Variants in GRID2 observed in about 807,000 individuals in gnomAD.
GRID2 encodes the protein glutamate receptor ionotropic, delta-2.
GRID2 carries 33 observed loss-of-function variants against 114.8 expected under a neutral mutation model. The observed-to-expected ratio is 0.29, with a 90% CI of 0.22 to 0.38. The LOEUF (loss-of-function observed/expected upper bound fraction) is 0.38, where lower values mean the gene tolerates loss of function less well. GRID2 is among the 10% of genes least tolerant of loss of function. The probability of loss-of-function intolerance (pLI) is 1.00; values close to 1 mark genes in which losing one functional copy is unlikely to be tolerated. For missense variants in GRID2, 1,184 were observed against 1,257.7 expected (o/e 0.94, Z 0.89); for synonymous variants, 505 against 449.9 (o/e 1.12, Z -1.55).
At chr4:92,734,818 A>T (rs901427569) in intron 2 of GRID2, among the ~76,000 whole-genome samples, 2 of 136,174 alleles carry the variant, frequency 1.5e-5, no homozygotes, top group Non-Finnish European at 3.1e-5. Context: ...TTGTTCTGTC[A>T]CTCAGCCTGG....
chr4:92,883,890 C>A (rs1746190131), intron 2 of GRID2, among the ~76,000 whole-genome samples: 1 of 152,106 alleles, frequency 6.6e-6, no homozygotes. Flanking sequence ...CCAGGATTTT[C>A]AGAATGGTAA....
intron 13 of GRID2, among the ~76,000 whole-genome samples, chr4:93,595,213 C>T (rs1043462459): frequency 2.6e-5 from 4 of 152,198 alleles, no homozygotes; most frequent in Non-Finnish European, 4.4e-5. Flanking sequence ...TCTTCAATGT[C>T]GATTGTTCAT....
chr4:92,880,985 C>T (rs1232533606), intron 2 of GRID2, among the ~76,000 whole-genome samples: 1 of 152,146 alleles, frequency 6.6e-6, no homozygotes, highest in Non-Finnish European at 1.5e-5. Flanking sequence ...TCACTGAAAC[C>T]TCTGCCTCCC....
At chr4:92,543,262 G>C (rs950211193) in intron 1 of GRID2, among the ~76,000 whole-genome samples, 1 of 152,078 alleles carries the variant, frequency 6.6e-6, no homozygotes, top group Non-Finnish European at 1.5e-5. Context: ...CATTTTGCAG[G>C]TTAGGAAATT....
chr4:92,617,627 T>C (rs950913689), intron 2 of GRID2, among the ~76,000 whole-genome samples: 1 of 151,738 alleles, frequency 6.6e-6, no homozygotes, highest in Non-Finnish European at 1.5e-5. Context: ...TTCCTTGGTT[T>C]GTTTCATTTC....
At chr4:93,070,755 T>C (rs1728736520) in intron 2 of GRID2, among the ~76,000 whole-genome samples, 1 of 152,130 alleles carries the variant, frequency 6.6e-6, no homozygotes, top group Non-Finnish European at 1.5e-5. Context: ...ATCTAAAATA[T>C]ATCTTATTAC....
Position 92,432,960 on chromosome 4 carries a change from G to C in GRID2, c.88+128216G>C, listed in dbSNP as rs1316851420. 3.3e-5 allele frequency among the ~76,000 whole-genome samples: 5 copies of C among 152,230 alleles called. No homozygotes were observed. In the East Asian group the frequency reaches 7.7e-4, roughly 24 times the overall value. On this transcript the variant is annotated intron_variant, in intron 1 of 15. Transcript: ENST00000282020. ...AGCCCAAGGGCTCTTTATTCAGCTG[G>C]TGATGAATCCTTCCAAAAACGGTCC...
chr4:92,876,997 A>G (rs1300781450), intron 2 of GRID2, among the ~76,000 whole-genome samples: 4 of 152,252 alleles, frequency 2.6e-5, no homozygotes, highest in Admixed American at 1.3e-4. Context: ...TGTTACTTCA[A>G]CATCTATCAA....
chr4:92,640,616 A>G (rs1481439804), intron 2 of GRID2, among the ~76,000 whole-genome samples: 1 of 151,908 alleles, frequency 6.6e-6, no homozygotes, highest in Non-Finnish European at 1.5e-5. Flanking sequence ...TTTGGCAGCT[A>G]GGGATGAAAA....
At chr4:92,957,747 A>T (rs544235703) in intron 2 of GRID2, among the ~76,000 whole-genome samples, 1 of 152,232 alleles carries the variant, frequency 6.6e-6, no homozygotes, top group South Asian at 2.1e-4. Context: ...ATTGGGAAGA[A>T]TTGACATATT....
chr4:92,797,047 T>G (rs1174145888), intron 2 of GRID2, among the ~76,000 whole-genome samples: 4 of 152,002 alleles, frequency 2.6e-5, no homozygotes, highest in Admixed American at 1.3e-4. Flanking sequence ...GATTCATTTA[T>G]CTTGATATGG....
chr4:92,612,215 G>C (rs1051429005), intron 2 of GRID2, among the ~76,000 whole-genome samples: 1 of 151,516 alleles, frequency 6.6e-6, no homozygotes, highest in African/African-American at 2.4e-5. Flanking sequence ...TTCTTAGAAA[G>C]GTTATCCTTT....
intron 13 of GRID2, among the ~76,000 whole-genome samples, chr4:93,537,173 C>T (rs1351469450): frequency 2.6e-5 from 4 of 151,750 alleles, no homozygotes; most frequent in African/African-American, 9.7e-5. Context: ...CTCATCCTAA[C>T]ATAACTTTCC....
chr4:93,017,609 G>T (rs1160826961), intron 2 of GRID2, among the ~76,000 whole-genome samples: 2 of 151,728 alleles, frequency 1.3e-5, no homozygotes, highest in African/African-American at 4.8e-5. Flanking sequence ...GAGGTCAGGA[G>T]TTCGAGACCA....
At chr4:93,503,882 G>T (rs988926688) in intron 12 of GRID2, among the ~76,000 whole-genome samples, 1 of 152,052 alleles carries the variant, frequency 6.6e-6, no homozygotes, top group African/African-American at 2.4e-5. Context: ...GGACTGAGAA[G>T]AGGAATGTAT....
chr4:93,464,490 CT>C (rs920241796), intron 11 of GRID2, among the ~76,000 whole-genome samples: 10 of 112,728 alleles, frequency 8.9e-5, no homozygotes, highest in African/African-American at 2.7e-4. Context: ...CCATCTTCAA[CT>C]TTAAAAAAAT....
intron 1 of GRID2, among the ~76,000 whole-genome samples, chr4:92,532,810 C>T (rs1474325476): frequency 4.6e-5 from 7 of 152,088 alleles, no homozygotes; most frequent in Admixed American, 2.6e-4. Context: ...GTGTGGCTCA[C>T]GCCTGTAATC....
chr4:92,918,908 A>G (rs1267319230), intron 2 of GRID2, among the ~76,000 whole-genome samples: 3 of 152,134 alleles, frequency 2.0e-5, no homozygotes, highest in African/African-American at 7.2e-5. Context: ...ATTGATTGTA[A>G]TACTTTCAGA....
At chr4:92,811,269 C>T (rs1193453172) in intron 2 of GRID2, among the ~76,000 whole-genome samples, 1 of 152,002 alleles carries the variant, frequency 6.6e-6, no homozygotes. Flanking sequence ...AATAGTAAAA[C>T]ATATCCATAC....
Sources: gnomAD v4.1 joint callset for allele counts (sites outside exome capture counted in the v4.1 genomes callset) on GRCh38, gnomAD v4.1.1 for gene constraint, MANE v1.5 for transcripts, NCBI Gene and HGNC (gene_info 2026-07-23, HGNC 2026-07-21) for gene names.